The following CDC25B variants were observed in gnomAD, a reference collection of about 807,000 sequenced individuals.
The protein encoded by CDC25B is M-phase inducer phosphatase 2.
A neutral mutation model predicts 69.8 loss-of-function variants in CDC25B; 33 were observed. The observed-to-expected ratio is 0.47, with a 90% CI of 0.36 to 0.63. The LOEUF (loss-of-function observed/expected upper bound fraction) is 0.63. Ranked by LOEUF, CDC25B falls within the 30% of genes least tolerant of loss-of-function variation. The probability of loss-of-function intolerance (pLI) is 0.00; values close to 1 mark genes in which losing one functional copy is unlikely to be tolerated. For synonymous variants in CDC25B, 341 were observed against 314.6 expected (o/e 1.08, Z -0.89); for missense variants, 727 against 809.1 (o/e 0.90, Z 1.23).
In CDC25B at chr20:3,803,583, C is replaced by G. The variant is rs774024285; in HGVS notation, c.1490+46C>G. Reference sequence around the variant, plus strand: ...GCCAGCTAGTGTCTGCCCTGGCCTTCCCTGCCCAGGCTCACAGGTGCTGGC... The same window carrying G: ...GCCAGCTAGTGTCTGCCCTGGCCTTGCCTGCCCAGGCTCACAGGTGCTGGC... On this transcript the variant is annotated intron_variant, in intron 14 of 15. Coordinates refer to ENST00000245960, the MANE Select transcript of CDC25B (RefSeq NM_021873.4). The surrounding 1 kb of genome is among the most constrained non-coding windows in gnomAD (Gnocchi z 4.9). 11 of 1,611,208 alleles carry G rather than the reference C, an allele frequency of 6.8e-6. No individual in the cohort carries two copies. In the South Asian group the frequency reaches 1.1e-4, roughly 16 times the overall value.
upstream of CDC25B, among the ~76,000 whole-genome samples, chr20:3,794,509 G>A (rs962979921): frequency 2.1e-5 from 2 of 95,184 alleles, no homozygotes; most frequent in Admixed American, 2.0e-4. Flanking sequence ...TGCAAATCTC[G>A]GGGCAGTTTT....
In CDC25B at chr20:3,802,984, T is replaced by C. The variant is rs1447292318; in HGVS notation, c.1257+12T>C. On this transcript the variant is annotated intron_variant, in intron 12 of 15. Transcript: ENST00000245960. ...TCTCACCAGAAACGGTAAACAGCGT[T>C]GCGTCATTTTCTAGGCAGATTTGGG... 2 of 1,612,996 alleles carry C rather than the reference T, an allele frequency of 1.2e-6. No homozygotes were observed. Among genetic ancestry groups the C allele is most frequent in the Admixed American group, 3.3e-5 (2 of 60,010 alleles).
At chr20:3,798,739 A>G (rs1401870588) in intron 3 of CDC25B, among the ~76,000 whole-genome samples, 1 of 152,208 alleles carries the variant, frequency 6.6e-6, no homozygotes, top group Non-Finnish European at 1.5e-5. Flanking sequence ...ATACTAGACT[A>G]CAGCCCATGT....
intron 14 of CDC25B, among the ~76,000 whole-genome samples, chr20:3,804,097 G>A (rs2089388022): frequency 6.6e-6 from 1 of 152,160 alleles, no homozygotes. Context: ...TCGCATCCCT[G>A]CGGCCCTCCC....
At chr20:3,795,381 A>AC (rs2089002546), upstream of CDC25B, among the ~76,000 whole-genome samples, 1 of 88,840 alleles carries the variant, frequency 1.1e-5, no homozygotes, top group African/African-American at 5.6e-5. Flanking sequence ...ACAAAACAAA[A>AC]AGAAAGATAA....
intron 1 of CDC25B, among the ~76,000 whole-genome samples, chr20:3,791,099 C>G (rs1260532655): frequency 2.0e-5 from 3 of 152,202 alleles, no homozygotes; most frequent in Non-Finnish European, 4.4e-5. Context: ...GGCATCCCCA[C>G]CTGACTGCCC....
chr20:3,789,951 T>C (rs1240337682), intron 1 of CDC25B, among the ~76,000 whole-genome samples: 1 of 151,118 alleles, frequency 6.6e-6, no homozygotes, highest in African/African-American at 2.4e-5. Flanking sequence ...ATCGCGCCAC[T>C]GCACTCCAGC....
At chr20:3,800,651 G>T (rs1240612602) in intron 5 of CDC25B, 92 bp from the exon 6 acceptor site, 4 of 1,594,032 alleles carry the variant, frequency 2.5e-6, no homozygotes, top group Admixed American at 3.3e-5. Flanking sequence ...AGTGGGAGGA[G>T]CTGGAGGAGA....
rs1349274409 is a variant in CDC25B at position 3,803,639 on chromosome 20, G to A, written c.1490+102G>A. The A allele has an allele frequency of 5.5e-6, 8 of 1,466,430 alleles. No homozygotes were observed. The Admixed American group carries it at 1.4e-4, about 26-fold the overall frequency. 90.8% of individuals were successfully genotyped at this position (1,466,430 alleles called of 1,614,324 possible). A position where few individuals can be genotyped will look rare whatever the true frequency, so the allele number is the denominator to read the frequency against. On this transcript the variant is annotated intron_variant, in intron 14 of 15. Coordinates refer to ENST00000245960, the MANE Select transcript of CDC25B (RefSeq NM_021873.4). The surrounding 1 kb of genome is among the most constrained non-coding windows in gnomAD (Gnocchi z 4.9). ...TGAGATGGCCAGGGGTGCAAGTCCA[G>A]GTCCTCCTCTGTCCCATCTGATGGC...
chr20:3,798,568 C>G, intron 3 of CDC25B, 105 bp downstream of exon 3: 1 of 829,116 alleles, frequency 1.2e-6, no homozygotes, highest in Non-Finnish European at 1.8e-6. Context: ...GCAGACAGAC[C>G]ATGGGGTGGC....
intron 10 of CDC25B, 21 bp downstream of exon 10, chr20:3,802,121 G>A (rs545291254): frequency 1.9e-6 from 3 of 1,543,344 alleles, no homozygotes; most frequent in East Asian, 2.4e-5. Flanking sequence ...TCCTCCTGGG[G>A]TTCACTTTGG....
chr20:3,800,354 T>G lies in CDC25B; in HGVS notation c.422+25T>G, dbSNP rs764924525. The stretch of plus-strand genomic sequence containing the variant: ...AGTAAGTGTTCCTGGGCCTCTTCCA[T>G]CTACCACAAGCTTTCCCTTAGGACA... On this transcript the variant is annotated intron_variant, in intron 4 of 15. Coordinates refer to ENST00000245960, the MANE Select transcript of CDC25B (RefSeq NM_021873.4). The G allele has an allele frequency of 5.0e-6, 8 of 1,613,968 alleles. No individual in the cohort carries two copies. The Middle Eastern group carries it at 1.2e-3, about 232-fold the overall frequency.
chr20:3,795,253 C>T (rs1410985436), upstream of CDC25B, among the ~76,000 whole-genome samples: 4 of 151,864 alleles, frequency 2.6e-5, no homozygotes, highest in African/African-American at 9.7e-5. Flanking sequence ...CTCAGCTACT[C>T]GGGAGGCTGA....
upstream of CDC25B, among the ~76,000 whole-genome samples, chr20:3,794,933 C>A (rs935322692): frequency 6.6e-6 from 1 of 152,218 alleles, no homozygotes; most frequent in African/African-American, 2.4e-5. Context: ...CACCACCCGC[C>A]CAGCCAGAGG....
chr20:3,803,297 C>T lies in CDC25B; in HGVS notation c.1356+91C>T, dbSNP rs11570013. 3.3e-4 allele frequency: 517 copies of T among 1,570,294 alleles called. 4 individuals carry two copies. In the East Asian group the frequency reaches 0.01, roughly 32 times the overall value. On this transcript the variant is annotated intron_variant, in intron 13 of 15. Transcript: ENST00000245960. The surrounding 1 kb of genome is among the most constrained non-coding windows in gnomAD (Gnocchi z 4.9). Reference sequence around the variant, plus strand: ...AGGGTGAATGGGTGGAGGACGGGTGCCCCCTCTCATGGGGAGGGTTCCTAC... The same window carrying T: ...AGGGTGAATGGGTGGAGGACGGGTGTCCCCTCTCATGGGGAGGGTTCCTAC...
chr20:3,804,422 A>G lies in CDC25B; in HGVS notation c.1491-147A>G, dbSNP rs796716874. 36 of 637,502 alleles carry G rather than the reference A, an allele frequency of 5.6e-5. No homozygotes were observed. In the African/African-American group the frequency reaches 6.1e-4, roughly 11 times the overall value. The allele number at this position is 637,502 out of a possible 1,614,324, so 39.5% of individuals were successfully genotyped here. A position where few individuals can be genotyped will look rare whatever the true frequency, so the allele number is the denominator to read the frequency against. ...CCTCTTCTGTAGCCAGAGTGACCTAAAAGTGTTCTTGTGGTTACATTCCTG... is the reference window on the plus strand; with the variant it reads ...CCTCTTCTGTAGCCAGAGTGACCTAGAAGTGTTCTTGTGGTTACATTCCTG... On this transcript the variant is annotated intron_variant, in intron 14 of 15. Transcript: ENST00000245960.
At position 3,797,671 on chromosome 20, in the gene CDC25B, C is replaced by A; in HGVS notation, c.250C>A (p.Arg84Ser). 3.7e-6 allele frequency: 6 copies of A among 1,614,164 alleles called. No homozygotes were observed. The highest frequency in any genetic ancestry group is 1.6e-4 in the Middle Eastern group (1 of 6,062). ...GACCCTGCTCTTCCGCAGCCGCAGC[C>A]GCCTGACGCACCTATCCCTGTCTCG... ...VGTLLFRSRS[R>S]LTHLSLSRRA... Residue 84 changes from arginine to serine, a missense_variant, in exon 2 of 16, where the codon CGC (arginine) becomes AGC (serine). Arg to Ser is a moderately radical substitution (Grantham distance 110). Transcript: ENST00000245960.
rs2089117002 is a variant in CDC25B at position 3,797,748 on chromosome 20, AGGTGAGGCCCAGGG to A, written c.328+1_328+14del. On this transcript the variant is annotated splice_donor_variant and splice_donor_5th_base_variant and coding_sequence_variant and intron_variant, in exon 2 of 16. Transcript: ENST00000245960. LOFTEE classifies it high-confidence loss of function. Reference sequence around the variant, plus strand: ...CTGAATCCTCCGAATCTTCTGATGCAGGTGAGGCCCAGGGGAGCCTGGGGAGATCTGCCTGTGTC... The same window carrying A: ...CTGAATCCTCCGAATCTTCTGATGCAGAGCCTGGGGAGATCTGCCTGTGTC... 1 of 1,613,754 alleles carries A rather than the reference AGGTGAGGCCCAGGG, an allele frequency of 6.2e-7. No homozygotes were observed. The highest frequency in any genetic ancestry group is 1.1e-5 in the South Asian group (1 of 91,088).
chr20:3,788,459 G>A (rs2088861708), intron 1 of CDC25B, among the ~76,000 whole-genome samples: 1 of 152,196 alleles, frequency 6.6e-6, no homozygotes, highest in South Asian at 2.1e-4. Flanking sequence ...AGTTAGTTTA[G>A]GGAATCTTTT....
Sources: allele counts gnomAD v4.1 joint callset (sites outside exome capture counted in the v4.1 genomes callset), GRCh38; gene constraint gnomAD v4.1.1; non-coding constraint Gnocchi (gnomAD v3.1); transcripts MANE v1.5; gene names NCBI Gene and HGNC (gene_info 2026-07-23, HGNC 2026-07-21).